Variants in ADAMTSL3 observed in about 807,000 individuals in gnomAD.
ADAMTSL3 encodes the protein ADAMTS-like protein 3.
ADAMTSL3 carries 128 observed loss-of-function variants against 201.7 expected under a neutral mutation model. The observed-to-expected ratio is 0.63, with a 90% CI of 0.55 to 0.73. ADAMTSL3 has a LOEUF of 0.73. Among genes scored for constraint, ADAMTSL3 ranks in the 30% least tolerant of loss-of-function variants. ADAMTSL3 has a pLI of 0.00. For missense variants in ADAMTSL3, 1,990 were observed against 2,119.6 expected (o/e 0.94, Z 1.20); for synonymous variants, 738 against 748.4 (o/e 0.99, Z 0.23).
chr15:83,688,011 G>A (rs1009566779), intron 2 of ADAMTSL3, among the ~76,000 whole-genome samples: 2 of 152,180 alleles, frequency 1.3e-5, no homozygotes, highest in East Asian at 3.8e-4. Context: ...TAAAGCATGA[G>A]GGAAAAGCTA....
At chr15:84,000,180 G>T (rs2067767627) in intron 23 of ADAMTSL3, among the ~76,000 whole-genome samples, 1 of 152,052 alleles carries the variant, frequency 6.6e-6, no homozygotes, top group Non-Finnish European at 1.5e-5. Context: ...TTATGAACTG[G>T]ACATTTTGGT....
intron 16 of ADAMTSL3, among the ~76,000 whole-genome samples, chr15:83,921,144 G>A (rs985632519): frequency 3.9e-5 from 6 of 152,044 alleles, no homozygotes; most frequent in South Asian, 2.1e-4. Flanking sequence ...TTACTCTTTG[G>A]CCTAGGACTT....
intron 3 of ADAMTSL3, among the ~76,000 whole-genome samples, chr15:83,752,504 T>C (rs2062653293): frequency 6.6e-6 from 1 of 152,128 alleles, no homozygotes; most frequent in Admixed American, 6.6e-5. Context: ...CACACACACA[T>C]ACATACACGC....
chr15:83,858,709 T>G, intron 7 of ADAMTSL3, 57 bp from the exon 8 acceptor site: 1 of 1,390,458 alleles, frequency 7.2e-7, no homozygotes, highest in Non-Finnish European at 1.0e-6. Flanking sequence ...GACTTGCTCA[T>G]TTTCATGGGC....
chr15:83,953,318 G>C (rs748420780), intron 19 of ADAMTSL3, among the ~76,000 whole-genome samples: 10 of 151,674 alleles, frequency 6.6e-5, no homozygotes, highest in Non-Finnish European at 1.3e-4. Flanking sequence ...TTTTTGATTT[G>C]AGATTACCAT....
intron 3 of ADAMTSL3, among the ~76,000 whole-genome samples, chr15:83,711,547 G>C (rs1405730049): frequency 6.6e-6 from 1 of 152,230 alleles, no homozygotes; most frequent in Admixed American, 6.5e-5. Flanking sequence ...TCGGTCAAAT[G>C]TAGTTATGCT....
At chr15:83,844,991 G>A (rs537649561) in intron 7 of ADAMTSL3, among the ~76,000 whole-genome samples, 2 of 152,254 alleles carry the variant, frequency 1.3e-5, no homozygotes, top group Admixed American at 1.3e-4. Context: ...CTAATCCCCA[G>A]TTACACTGGC....
rs1215860033 is a variant in ADAMTSL3, at chr15:83,817,048, T to G, written c.364-2763T>G. On this transcript the variant is annotated intron_variant, in intron 5 of 29. Coordinates refer to ENST00000286744, the MANE Select transcript of ADAMTSL3 (RefSeq NM_207517.3). ...CTTCAGTTTGACTTGCTTCTAGGAG[T>G]GTAACCTGGTTTAATTTTGCTAAGA... Among the ~76,000 whole-genome samples the G allele has an allele frequency of 2.6e-5, 4 of 152,118 alleles. No individual in the cohort carries two copies. The East Asian group carries it at 7.7e-4, about 29-fold the overall frequency.
intron 3 of ADAMTSL3, among the ~76,000 whole-genome samples, chr15:83,742,869 A>G (rs1187919998): frequency 1.3e-5 from 2 of 152,134 alleles, no homozygotes; most frequent in Non-Finnish European, 2.9e-5. Context: ...CACTATTACA[A>G]TTGGAAACAC....
At chr15:83,959,092 C>T (rs1399211407) in intron 19 of ADAMTSL3, among the ~76,000 whole-genome samples, 5 of 152,094 alleles carry the variant, frequency 3.3e-5, no homozygotes, top group Admixed American at 6.5e-5. Context: ...TGAAAGGGCA[C>T]TCTATATACC....
intron 19 of ADAMTSL3, among the ~76,000 whole-genome samples, chr15:83,946,661 C>A (rs2066660465): frequency 6.6e-6 from 1 of 152,158 alleles, no homozygotes; most frequent in Non-Finnish European, 1.5e-5. Context: ...AAATAGTGAT[C>A]TTTAGAAGAG....
intron 9 of ADAMTSL3, among the ~76,000 whole-genome samples, chr15:83,881,671 A>T (rs1307211396): frequency 6.6e-6 from 1 of 151,898 alleles, no homozygotes; most frequent in Admixed American, 6.6e-5. Flanking sequence ...CCTAGCTGAC[A>T]TGGAGAAACT....
chr15:83,808,772 T>C (rs1325194904), intron 5 of ADAMTSL3, among the ~76,000 whole-genome samples: 2 of 152,144 alleles, frequency 1.3e-5, no homozygotes, highest in Non-Finnish European at 2.9e-5. Flanking sequence ...GTGGTATATA[T>C]ACACAATGAA....
chr15:83,803,632 C>T (rs1487522551), intron 4 of ADAMTSL3, among the ~76,000 whole-genome samples: 1 of 152,084 alleles, frequency 6.6e-6, no homozygotes, highest in Non-Finnish European at 1.5e-5. Context: ...CAGACAAGCA[C>T]TGGACTGAGG....
At chr15:84,021,326 CATG>C (rs2068201472) in intron 25 of ADAMTSL3, 81 bp from the exon 26 acceptor site, 2 of 1,465,900 alleles carry the variant, frequency 1.4e-6, no homozygotes, top group Non-Finnish European at 1.9e-6. Flanking sequence ...AAAAACATCT[CATG>C]GTGGTTTTTG....
chr15:83,682,218 T>C (rs2061485063), intron 2 of ADAMTSL3, among the ~76,000 whole-genome samples: 1 of 152,204 alleles, frequency 6.6e-6, no homozygotes. Context: ...ATTTAGAGAC[T>C]CAGGGATGGG....
At chr15:83,803,646 G>T (rs915320751) in intron 4 of ADAMTSL3, among the ~76,000 whole-genome samples, 1 of 152,142 alleles carries the variant, frequency 6.6e-6, no homozygotes, top group Admixed American at 6.6e-5. Context: ...ACTGAGGAGA[G>T]TACCCGTTGG....
chr15:83,843,020 C>G (rs2064414618), intron 7 of ADAMTSL3, among the ~76,000 whole-genome samples: 1 of 152,182 alleles, frequency 6.6e-6, no homozygotes, highest in South Asian at 2.1e-4. Flanking sequence ...AGAAGAGGTA[C>G]TGAAATGCAA....
intron 4 of ADAMTSL3, among the ~76,000 whole-genome samples, chr15:83,778,424 C>T (rs79296858): frequency 1.3e-5 from 2 of 152,202 alleles, no homozygotes; most frequent in African/African-American, 4.8e-5. Context: ...GCAGACTTCT[C>T]AGCTGAAACC....
Sources: gnomAD v4.1 joint callset for allele counts (sites outside exome capture counted in the v4.1 genomes callset) on GRCh38, gnomAD v4.1.1 for gene constraint, MANE v1.5 for transcripts, NCBI Gene and HGNC (gene_info 2026-07-23, HGNC 2026-07-21) for gene names.